SRGAP1: variants seen among roughly 807,000 people sequenced by gnomAD.
SRGAP1 encodes the protein SLIT-ROBO Rho GTPase activating protein 1, also known as SLIT-ROBO Rho GTPase-activating protein 1.
In SRGAP1, 43 loss-of-function variants were observed where a neutral mutation model predicts 121.9. That is an observed-to-expected ratio of 0.35 (90% confidence interval 0.28 to 0.46). The LOEUF is 0.46. Ranked by LOEUF, SRGAP1 falls within the 20% of genes least tolerant of loss-of-function variation. The pLI, the probability that SRGAP1 is intolerant of heterozygous loss-of-function variation, is 1.00. For missense variants in SRGAP1, 1,102 were observed against 1,350.9 expected, an observed-to-expected ratio of 0.82 and a Z score of 2.89; for synonymous variants, 447 against 485.4, an observed-to-expected ratio of 0.92 and a Z score of 1.04.
chr12:64,084,081 C>T (rs573258612), intron 10 of SRGAP1, among the ~76,000 whole-genome samples: 30 of 152,266 alleles, frequency 2.0e-4, no homozygotes, highest in African/African-American at 7.0e-4. Context: ...GGAGCAAATC[C>T]AGGATGCCTG....
At chr12:63,892,350 A>G (rs1008830978) in intron 1 of SRGAP1, among the ~76,000 whole-genome samples, 14 of 152,228 alleles carry the variant, frequency 9.2e-5, no homozygotes, top group African/African-American at 3.1e-4. Flanking sequence ...TGTAATAATC[A>G]TTGTTCACAT....
At chr12:63,856,037 C>T (rs1369523028) in intron 1 of SRGAP1, among the ~76,000 whole-genome samples, 1 of 151,990 alleles carries the variant, frequency 6.6e-6, no homozygotes, top group Non-Finnish European at 1.5e-5. Flanking sequence ...GCAGGTGGAT[C>T]ACCTGAGGTC....
chr12:64,018,889 T>TATAC (rs1310160844), intron 4 of SRGAP1, among the ~76,000 whole-genome samples: 1 of 152,196 alleles, frequency 6.6e-6, no homozygotes, highest in Non-Finnish European at 1.5e-5. Flanking sequence ...ATGACCTTTG[T>TATAC]ATACCTGAGA....
At chr12:63,906,863 T>C (rs2030236350) in intron 1 of SRGAP1, among the ~76,000 whole-genome samples, 1 of 152,046 alleles carries the variant, frequency 6.6e-6, no homozygotes, top group African/African-American at 2.4e-5. Flanking sequence ...CACCCACTTT[T>C]AATTTTTATT....
rs79371016 is a variant in SRGAP1 at position 63,996,691 on chromosome 12, A to G, written c.426+6619A>G. Among the ~76,000 whole-genome samples, 581 of 152,226 alleles carry G rather than the reference A, an allele frequency of 3.8e-3. 10 individuals are homozygous for G. The East Asian group carries it at 0.049, about 13-fold the overall frequency. On this transcript the variant is annotated intron_variant, in intron 3 of 21. Coordinates refer to ENST00000355086, the MANE Select transcript of SRGAP1 (RefSeq NM_020762.4). The stretch of plus-strand genomic sequence containing the variant: ...AATATAACAAGAAGAACTTTTCCAA[A>G]GCATTTTAGTGCAGTGTTGCAGAAG...
intron 1 of SRGAP1, among the ~76,000 whole-genome samples, chr12:63,963,296 G>GT (rs1290160951): frequency 2.6e-5 from 4 of 152,072 alleles, no homozygotes; most frequent in African/African-American, 7.2e-5. Flanking sequence ...TTCTTTTTAA[G>GT]TTTTTCTCGG....
At chr12:64,056,637 T>C (rs545143215) in intron 6 of SRGAP1, among the ~76,000 whole-genome samples, 1 of 152,054 alleles carries the variant, frequency 6.6e-6, no homozygotes, top group Non-Finnish European at 1.5e-5. Flanking sequence ...GACCTCCCAT[T>C]GTCCTTAGAA....
At position 63,992,393 on chromosome 12, in the gene SRGAP1, G is replaced by A. The variant is rs1173134024; in HGVS notation, c.426+2321G>A. Among the ~76,000 whole-genome samples, 4 of 152,288 alleles carry A rather than the reference G, an allele frequency of 2.6e-5. No individual in the cohort carries two copies. The East Asian group carries it at 7.7e-4, about 29-fold the overall frequency. On this transcript the variant is annotated intron_variant, in intron 3 of 21. Coordinates refer to ENST00000355086, the MANE Select transcript of SRGAP1 (RefSeq NM_020762.4). ...CTCCATTCTTGAGGAAGCAAGAAAGGCAAAATTGGGCAGAAGGAGAGGCTG... is the reference window on the plus strand; with the variant it reads ...CTCCATTCTTGAGGAAGCAAGAAAGACAAAATTGGGCAGAAGGAGAGGCTG...
chr12:64,005,082 T>G, intron 3 of SRGAP1, among the ~76,000 whole-genome samples: 1 of 151,922 alleles, frequency 6.6e-6, no homozygotes, highest in East Asian at 1.9e-4. Flanking sequence ...CTCTTAAAAC[T>G]CAGAAGAAAA....
chr12:63,952,355 A>T (rs183836111), intron 1 of SRGAP1, among the ~76,000 whole-genome samples: 13 of 151,890 alleles, frequency 8.6e-5, no homozygotes, highest in East Asian at 1.9e-4. Context: ...CTACAAAAAA[A>T]TTTTTTTTTA....
chr12:63,937,942 C>T (rs1264445133), intron 1 of SRGAP1, among the ~76,000 whole-genome samples: 1 of 152,258 alleles, frequency 6.6e-6, no homozygotes, highest in Non-Finnish European at 1.5e-5. Context: ...GGCCTGGAAT[C>T]TCCAACATCT....
At chr12:63,905,134 C>T (rs1592933289) in intron 1 of SRGAP1, among the ~76,000 whole-genome samples, 3 of 152,092 alleles carry the variant, frequency 2.0e-5, no homozygotes, top group East Asian at 1.9e-4. Context: ...CAGAAATGTC[C>T]GAGGGCCTTT....
chr12:63,848,842 T>A (rs1422253569), intron 1 of SRGAP1, among the ~76,000 whole-genome samples: 1 of 152,238 alleles, frequency 6.6e-6, no homozygotes, highest in Non-Finnish European at 1.5e-5. Flanking sequence ...TCATTTTTGC[T>A]TTCACTTTTT....
intron 1 of SRGAP1, among the ~76,000 whole-genome samples, chr12:63,946,452 C>T (rs2032050821): frequency 6.6e-6 from 1 of 151,888 alleles, no homozygotes; most frequent in African/African-American, 2.4e-5. Context: ...CCTTTGTAAT[C>T]CTTCTTTCTG....
chr12:63,912,585 G>T (rs145626759), intron 1 of SRGAP1, among the ~76,000 whole-genome samples: 41 of 151,856 alleles, frequency 2.7e-4, no homozygotes, highest in African/African-American at 9.4e-4. Context: ...CTGCACTCCA[G>T]CCTGGGTGAT....
intron 12 of SRGAP1, among the ~76,000 whole-genome samples, chr12:64,093,274 C>T (rs1021666): frequency 2.3e-3 from 352 of 152,204 alleles, no homozygotes; most frequent in African/African-American, 8.3e-3. Context: ...ATCACATATA[C>T]TCATTACTTT....
chr12:64,112,206 A>G (rs2036441063), intron 17 of SRGAP1, among the ~76,000 whole-genome samples: 1 of 152,186 alleles, frequency 6.6e-6, no homozygotes, highest in Non-Finnish European at 1.5e-5. Context: ...AAATAAATCT[A>G]CCCTATCGTG....
Position 64,155,095 on chromosome 12 carries a change from A to C in SRGAP1, c.*12423A>C, listed in dbSNP as rs1230606877. On this transcript the variant is annotated 3_prime_UTR_variant, in exon 22 of 22. Coordinates refer to ENST00000355086, the MANE Select transcript of SRGAP1 (RefSeq NM_020762.4). ...AGTCTCACTCTGTCACCCAGGCTGG[A>C]GTGCAGTGGCATGATCTTGGCTCAC... 1.3e-5 allele frequency: 2 copies of C among 151,514 alleles called. No individual in the cohort carries two copies. Among genetic ancestry groups the C allele is most frequent in the African/African-American group, 2.4e-5 (1 of 41,182 alleles). The allele number at this position is 151,514 out of a possible 1,614,324, so 9.4% of individuals were successfully genotyped here.
chr12:63,993,345 G>C (rs2033608146), intron 3 of SRGAP1, among the ~76,000 whole-genome samples: 2 of 152,150 alleles, frequency 1.3e-5, no homozygotes, highest in Admixed American at 1.3e-4. Flanking sequence ...AGGCATAAAT[G>C]GGTTTTAATC....
Sources: allele counts gnomAD v4.1 joint callset (sites outside exome capture counted in the v4.1 genomes callset), GRCh38; gene constraint gnomAD v4.1.1; transcripts MANE v1.5; gene names NCBI Gene and HGNC (gene_info 2026-07-23, HGNC 2026-07-21).